The following USP3 variants were observed in gnomAD, a reference collection of about 807,000 sequenced individuals.
USP3 encodes ubiquitin carboxyl-terminal hydrolase 3.
Under a neutral mutation model 72.3 loss-of-function variants are expected in USP3, and 20 were observed. The observed-to-expected ratio is 0.28, with a 90% CI of 0.19 to 0.40. The LOEUF (loss-of-function observed/expected upper bound fraction) is 0.40. Ranked by LOEUF, USP3 falls within the 10% of genes least tolerant of loss-of-function variation. The pLI is 1.00. For missense variants in USP3, 479 were observed against 633.9 expected (o/e 0.76, Z 2.62); for synonymous variants, 222 against 225.3 (o/e 0.99, Z 0.13).
rs191853717 is a variant in USP3 at position 63,546,006 on chromosome 15, C to T, written c.285-7709C>T. 8.2e-5 allele frequency among the ~76,000 whole-genome samples: 12 copies of T among 146,366 alleles called. No homozygotes were observed. In the East Asian group the frequency reaches 2.0e-3, roughly 25 times the overall value. ...AAAAAAAAAAAAAAACAGTAGAGCTCATCTTTTCTTGAAGAGTCATTTAAA... is the reference window on the plus strand; with the variant it reads ...AAAAAAAAAAAAAAACAGTAGAGCTTATCTTTTCTTGAAGAGTCATTTAAA... On this transcript the variant is annotated intron_variant, in intron 3 of 14. Coordinates refer to ENST00000380324, the MANE Select transcript of USP3 (RefSeq NM_006537.4).
At chr15:63,506,569 T>G (rs2065716356) in intron 1 of USP3, among the ~76,000 whole-genome samples, 1 of 152,188 alleles carries the variant, frequency 6.6e-6, no homozygotes, top group South Asian at 2.1e-4. Flanking sequence ...AAAAGAACTG[T>G]GCAAGTGGCA....
At chr15:63,551,921 A>G (rs949568705) in intron 3 of USP3, 1 of 152,222 alleles carries the variant, frequency 6.6e-6, no homozygotes, top group African/African-American at 2.4e-5. Context: ...TACTTTAACA[A>G]ACGTAATTTT....
In USP3 at chr15:63,570,408, A is replaced by G. The variant is rs2066760294; in HGVS notation, c.762-25A>G. On this transcript the variant is annotated intron_variant, in intron 8 of 14. Coordinates refer to ENST00000380324, the MANE Select transcript of USP3 (RefSeq NM_006537.4). The surrounding 1 kb of genome is among the most constrained non-coding windows in gnomAD (Gnocchi z 4.4). The stretch of plus-strand genomic sequence containing the variant: ...CACAAAGAGCCCTCCACCCGGCCTT[A>G]TAAGTGACTGTTTGTTTGCTTTAGG... 1.9e-6 allele frequency: 3 copies of G among 1,613,432 alleles called. No individual in the cohort carries two copies. Among genetic ancestry groups the G allele is most frequent in the East Asian group, 2.2e-5 (1 of 44,888 alleles).
At chr15:63,582,361 G>C (rs1441635869) in intron 11 of USP3, among the ~76,000 whole-genome samples, 1 of 152,176 alleles carries the variant, frequency 6.6e-6, no homozygotes, top group African/African-American at 2.4e-5. Context: ...GCCCTACTGG[G>C]CACACCAGTC....
chr15:63,518,030 T>A (rs1443275622), intron 1 of USP3, among the ~76,000 whole-genome samples: 1 of 152,238 alleles, frequency 6.6e-6, no homozygotes, highest in Non-Finnish European at 1.5e-5. Flanking sequence ...TAAGTAGAAT[T>A]TGCCACGTTT....
At chr15:63,512,523 G>A (rs1475381999) in intron 1 of USP3, among the ~76,000 whole-genome samples, 13 of 151,258 alleles carry the variant, frequency 8.6e-5, no homozygotes, top group African/African-American at 2.2e-4. Context: ...TCAGCTCACC[G>A]AAACCTCCAC....
intron 11 of USP3, among the ~76,000 whole-genome samples, chr15:63,584,102 T>TC (rs1302221756): frequency 6.9e-6 from 1 of 144,348 alleles, no homozygotes; most frequent in East Asian, 2.0e-4. Flanking sequence ...GTTTTTTTTT[T>TC]TTTTTTTTTT....
Position 63,588,583 on chromosome 15 carries a change from A to G in USP3, c.1216-119A>G, listed in dbSNP as rs749316126. 32 of 942,742 alleles carry G rather than the reference A, an allele frequency of 3.4e-5. No homozygotes were observed. The highest frequency in any genetic ancestry group is 5.1e-5 in the Non-Finnish European group (31 of 603,894). The allele number at this position is 942,742 out of a possible 1,614,324, so 58.4% of individuals were successfully genotyped here. On this transcript the variant is annotated intron_variant, in intron 12 of 14. Coordinates refer to ENST00000380324, the MANE Select transcript of USP3 (RefSeq NM_006537.4). The surrounding 1 kb of genome is among the most constrained non-coding windows in gnomAD (Gnocchi z 4.6). ...TACAGAATGAATGCATAAGGTATGC[A>G]TGGAAGAATGATTGATAGGGCAGCT...
intron 4 of USP3, 77 bp from the exon 5 acceptor site, chr15:63,556,590 C>A: frequency 8.4e-7 from 1 of 1,190,490 alleles, no homozygotes; most frequent in Non-Finnish European, 1.2e-6. Flanking sequence ...TTGAGGGCAG[C>A]TGGAGTTTAT....
chr15:63,547,789 A>AGG, intron 3 of USP3, among the ~76,000 whole-genome samples: 1 of 96,928 alleles, frequency 1.0e-5, no homozygotes, highest in Non-Finnish European at 2.2e-5. Flanking sequence ...AGAGAGAGAG[A>AGG]GAGAGAGAGA....
intron 11 of USP3, among the ~76,000 whole-genome samples, chr15:63,577,184 G>T (rs2066877943): frequency 6.6e-6 from 1 of 152,200 alleles, no homozygotes; most frequent in Admixed American, 6.5e-5. Flanking sequence ...AATGTAGTTT[G>T]ATCTCACTTA....
intron 8 of USP3, among the ~76,000 whole-genome samples, chr15:63,567,909 C>T (rs974316867): frequency 8.5e-5 from 13 of 152,206 alleles, no homozygotes; most frequent in African/African-American, 1.9e-4. Context: ...CAGCAGTGTT[C>T]GGAATGGATG....
At chr15:63,513,675 G>T (rs2065818012) in intron 1 of USP3, among the ~76,000 whole-genome samples, 2 of 151,890 alleles carry the variant, frequency 1.3e-5, no homozygotes, top group South Asian at 4.2e-4. Context: ...AGTCTGGGTG[G>T]GTTTTCTTTT....
At chr15:63,527,882 A>C (rs1438616967) in intron 1 of USP3, 2 of 152,166 alleles carry the variant, frequency 1.3e-5, no homozygotes, top group African/African-American at 4.8e-5. Context: ...TTAAATGTTT[A>C]AGTGGTTTTA....
At chr15:63,580,721 T>C (rs1457842033) in intron 11 of USP3, among the ~76,000 whole-genome samples, 1 of 147,966 alleles carries the variant, frequency 6.8e-6, no homozygotes, top group African/African-American at 2.5e-5. Context: ...TATATAAATA[T>C]ATATTTTTTC....
In USP3 at chr15:63,553,830, C is replaced by CT. The variant is rs758966474; in HGVS notation, c.368+33dup. The CT allele has an allele frequency of 2.8e-5, 44 of 1,581,932 alleles. No individual in the cohort carries two copies. In the South Asian group the frequency reaches 4.5e-4, roughly 16 times the overall value. On this transcript the variant is annotated intron_variant, in intron 4 of 14. Coordinates refer to ENST00000380324, the MANE Select transcript of USP3 (RefSeq NM_006537.4). The surrounding 1 kb of genome is among the most constrained non-coding windows in gnomAD (Gnocchi z 4.2). ...AATAGGCCTTTGGAAAAAGAAGGGC[C>CT]TAAGAATGGGGTTGAGGAGTCTTTT...
chr15:63,540,250 A>G (rs1032639894), intron 3 of USP3, among the ~76,000 whole-genome samples: 3 of 152,104 alleles, frequency 2.0e-5, no homozygotes, highest in African/African-American at 7.2e-5. Flanking sequence ...GCAATCCTTT[A>G]TGAAGTTATC....
At chr15:63,508,062 C>CAGGA (rs2065736231) in intron 1 of USP3, among the ~76,000 whole-genome samples, 1 of 152,142 alleles carries the variant, frequency 6.6e-6, no homozygotes. Flanking sequence ...CTTGAGATGT[C>CAGGA]ACATCATGCA....
chr15:63,545,369 G>C (rs1466860542), intron 3 of USP3, among the ~76,000 whole-genome samples: 1 of 152,046 alleles, frequency 6.6e-6, no homozygotes, highest in Non-Finnish European at 1.5e-5. Context: ...TTTATTAGCT[G>C]TTGGCTTAAA....
Sources: allele counts gnomAD v4.1 joint callset (sites outside exome capture counted in the v4.1 genomes callset), GRCh38; gene constraint gnomAD v4.1.1; non-coding constraint Gnocchi (gnomAD v3.1); transcripts MANE v1.5; gene names NCBI Gene and HGNC (gene_info 2026-07-23, HGNC 2026-07-21).